The following SSBP2 variants were observed in gnomAD, a reference collection of about 807,000 sequenced individuals.
SSBP2 encodes single stranded DNA binding protein 2, also known as single-stranded DNA-binding protein 2.
SSBP2 carries 17 observed loss-of-function variants against 61.8 expected under a neutral mutation model. That is an observed-to-expected ratio of 0.28 (90% CI 0.19 to 0.41). SSBP2 has a LOEUF of 0.41. SSBP2 is among the 10% of genes least tolerant of loss of function. The pLI is 1.00. For synonymous variants in SSBP2, 139 were observed against 141.3 expected (o/e 0.98, Z 0.12); for missense variants, 310 against 458.7 (o/e 0.68, Z 2.96).
intron 1 of SSBP2, among the ~76,000 whole-genome samples, chr5:81,664,296 T>G (rs571922407): frequency 6.6e-6 from 1 of 151,662 alleles, no homozygotes; most frequent in Non-Finnish European, 1.5e-5. Flanking sequence ...CTAATTTTTT[T>G]TTTTTGTATT....
At chr5:81,545,323 GAAAT>G (rs1268084023) in intron 4 of SSBP2, among the ~76,000 whole-genome samples, 5 of 152,112 alleles carry the variant, frequency 3.3e-5, no homozygotes, top group Non-Finnish European at 7.4e-5. Context: ...CATAAGGTAA[GAAAT>G]AAACTTTTAT....
intron 8 of SSBP2, among the ~76,000 whole-genome samples, chr5:81,471,128 T>A (rs1388536402): frequency 6.6e-6 from 1 of 151,832 alleles, no homozygotes; most frequent in Non-Finnish European, 1.5e-5. Flanking sequence ...ACACTTAATT[T>A]CCATCATATT....
intron 1 of SSBP2, among the ~76,000 whole-genome samples, chr5:81,678,142 CTAAGGCTTTAATGA>C (rs1752123575): frequency 6.6e-6 from 1 of 151,902 alleles, no homozygotes; most frequent in Non-Finnish European, 1.5e-5. Context: ...GACTAATATG[CTAAGGCTTTAATGA>C]AAAAAGTAGA....
At chr5:81,590,248 C>G (rs1233997097) in intron 4 of SSBP2, among the ~76,000 whole-genome samples, 1 of 151,988 alleles carries the variant, frequency 6.6e-6, no homozygotes, top group African/African-American at 2.4e-5. Context: ...GTGGACCTTT[C>G]AAATCAAATG....
chr5:81,721,998 CA>C (rs77125433), intron 1 of SSBP2, among the ~76,000 whole-genome samples: 1 of 151,066 alleles, frequency 6.6e-6, no homozygotes, highest in Admixed American at 6.6e-5. Flanking sequence ...ACAGAAAAAA[CA>C]AAAAAAAATC....
intron 1 of SSBP2, among the ~76,000 whole-genome samples, chr5:81,667,610 C>T (rs540747605): frequency 1.3e-5 from 2 of 151,962 alleles, no homozygotes; most frequent in South Asian, 2.1e-4. Flanking sequence ...TAGAAAGTAG[C>T]TTAAAGATAC....
intron 16 of SSBP2, among the ~76,000 whole-genome samples, chr5:81,424,478 C>T (rs1761829482): frequency 6.6e-6 from 1 of 151,804 alleles, no homozygotes; most frequent in Admixed American, 6.6e-5. Flanking sequence ...AAAGGAGCAA[C>T]CATCTAATAA....
At chr5:81,423,087 A>C (rs1761711672) in intron 16 of SSBP2, among the ~76,000 whole-genome samples, 1 of 152,274 alleles carries the variant, frequency 6.6e-6, no homozygotes, top group Non-Finnish European at 1.5e-5. Flanking sequence ...GAGTAGAAAA[A>C]ATCAGAGAAT....
At chr5:81,463,001 TATTTA>T (rs911445937) in intron 9 of SSBP2, among the ~76,000 whole-genome samples, 32 of 152,108 alleles carry the variant, frequency 2.1e-4, no homozygotes, top group South Asian at 1.9e-3. Flanking sequence ...AATAATTAAA[TATTTA>T]ATTTAATTTA....
chr5:81,631,995 T>TG (rs1201526050), intron 3 of SSBP2, among the ~76,000 whole-genome samples: 1 of 152,098 alleles, frequency 6.6e-6, no homozygotes, highest in African/African-American at 2.4e-5. Context: ...TGTAGAAAAT[T>TG]GGGAAGATAG....
At chr5:81,541,481 A>AG (rs1167292485) in intron 4 of SSBP2, among the ~76,000 whole-genome samples, 2 of 152,046 alleles carry the variant, frequency 1.3e-5, no homozygotes, top group Non-Finnish European at 1.5e-5. Flanking sequence ...AAGTGAAAAA[A>AG]AACAAAGCCA....
intron 4 of SSBP2, among the ~76,000 whole-genome samples, chr5:81,550,088 A>C (rs1303579467): frequency 2.6e-5 from 4 of 152,122 alleles, no homozygotes. Context: ...TATCTCACAT[A>C]TTTACTCTTG....
At chr5:81,510,867 A>G (rs1473066398) in intron 5 of SSBP2, among the ~76,000 whole-genome samples, 1 of 152,066 alleles carries the variant, frequency 6.6e-6, no homozygotes, top group African/African-American at 2.4e-5. Flanking sequence ...AGCTGGAGTG[A>G]TTTTTCTAAA....
intron 1 of SSBP2, among the ~76,000 whole-genome samples, chr5:81,741,566 T>C (rs1020436775): frequency 2.6e-5 from 4 of 152,230 alleles, no homozygotes; most frequent in African/African-American, 9.6e-5. Context: ...TTTTCCTCCC[T>C]TGTTAGAGAG....
chr5:81,604,420 G>C (rs567417495), intron 4 of SSBP2, among the ~76,000 whole-genome samples: 1 of 152,124 alleles, frequency 6.6e-6, no homozygotes, highest in East Asian at 1.9e-4. Context: ...AATGTGGTGT[G>C]CTTTGTACTG....
At chr5:81,603,610 C>A (rs1176906785) in intron 4 of SSBP2, among the ~76,000 whole-genome samples, 1 of 152,126 alleles carries the variant, frequency 6.6e-6, no homozygotes, top group South Asian at 2.1e-4. Context: ...ACTGATCAGG[C>A]TCAAGGTAAA....
chr5:81,725,090 G>A (rs1319071994), intron 1 of SSBP2, among the ~76,000 whole-genome samples: 1 of 152,072 alleles, frequency 6.6e-6, no homozygotes, highest in Non-Finnish European at 1.5e-5. Context: ...CATAATATAA[G>A]GTTTTGTTGT....
intron 9 of SSBP2, 116 bp from the exon 10 acceptor site, chr5:81,461,219 G>T: frequency 1.4e-6 from 1 of 713,754 alleles, no homozygotes; most frequent in South Asian, 3.1e-5. Flanking sequence ...GTTCTAGTTT[G>T]GCACTGAAAT....
intron 4 of SSBP2, among the ~76,000 whole-genome samples, chr5:81,519,783 C>A (rs896286638): frequency 3.3e-5 from 5 of 152,040 alleles, no homozygotes; most frequent in Admixed American, 6.6e-5. Flanking sequence ...AATTGTAGGC[C>A]CCCAGAGATG....
Sources: gnomAD v4.1 joint callset for allele counts (sites outside exome capture counted in the v4.1 genomes callset) on GRCh38, gnomAD v4.1.1 for gene constraint, MANE v1.5 for transcripts, NCBI Gene and HGNC (gene_info 2026-07-23, HGNC 2026-07-21) for gene names.